RBFOX1: variants seen among roughly 807,000 people sequenced by gnomAD.
RBFOX1 encodes the protein RNA binding fox-1 homolog 1.
Under a neutral mutation model 57.7 loss-of-function variants are expected in RBFOX1, and 8 were observed. That is an observed-to-expected ratio of 0.14 (90% CI 0.08 to 0.25). RBFOX1 has a LOEUF of 0.25. Among genes scored for constraint, RBFOX1 ranks in the 10% least tolerant of loss-of-function variants. RBFOX1 has a pLI of 1.00. For synonymous variants in RBFOX1, 326 were observed against 222.4 expected, an observed-to-expected ratio of 1.47 and a Z score of -4.15; for missense variants, 611 against 548.5, an observed-to-expected ratio of 1.11 and a Z score of -1.14.
chr16:5,924,044 C>G (rs1413862040), intron 4 of RBFOX1, among the ~76,000 whole-genome samples: 1 of 152,040 alleles, frequency 6.6e-6, no homozygotes, highest in African/African-American at 2.4e-5. Context: ...ATGCTGTTCT[C>G]AGGATAGTGA....
At chr16:6,465,883 T>TG (rs1380681283) in intron 2 of RBFOX1, among the ~76,000 whole-genome samples, 8 of 135,284 alleles carry the variant, frequency 5.9e-5, no homozygotes, top group African/African-American at 2.2e-4. Flanking sequence ...CATTTGTGTG[T>TG]TTGTGTGTGT....
intron 3 of RBFOX1, among the ~76,000 whole-genome samples, chr16:6,921,387 C>G (rs570883033): frequency 2.0e-5 from 3 of 152,068 alleles, no homozygotes; most frequent in African/African-American, 7.2e-5. Flanking sequence ...GGATATGCTT[C>G]GAAGATCACC....
At chr16:6,026,056 G>A (rs934493698) in intron 1 of RBFOX1, among the ~76,000 whole-genome samples, 2 of 152,128 alleles carry the variant, frequency 1.3e-5, no homozygotes, top group African/African-American at 4.8e-5. Flanking sequence ...TTCGATTCCT[G>A]CTCATCCTTC....
intron 2 of RBFOX1, among the ~76,000 whole-genome samples, chr16:6,364,719 C>T (rs563351113): frequency 7.2e-5 from 11 of 152,150 alleles, no homozygotes; most frequent in African/African-American, 2.2e-4. Flanking sequence ...AATTTCTCAC[C>T]CTGAATTACA....
chr16:6,034,552 C>T (rs921659621), intron 1 of RBFOX1, among the ~76,000 whole-genome samples: 7 of 151,890 alleles, frequency 4.6e-5, no homozygotes, highest in Non-Finnish European at 1.0e-4. Flanking sequence ...TAGTTCTCTC[C>T]AACCTTTGGG....
intron 2 of RBFOX1, among the ~76,000 whole-genome samples, chr16:5,577,603 A>G (rs1481742170): frequency 6.6e-6 from 1 of 152,188 alleles, no homozygotes; most frequent in South Asian, 2.1e-4. Context: ...TTCTGTTACT[A>G]CATGTTTGCA....
At chr16:6,364,580 T>A (rs573684653) in intron 2 of RBFOX1, among the ~76,000 whole-genome samples, 285 of 152,358 alleles carry the variant, frequency 1.9e-3, no homozygotes, top group African/African-American at 6.6e-3. Context: ...TGCAGGCATG[T>A]GTGTACACAC....
At chr16:7,304,659 G>T (rs2142169350) in intron 4 of RBFOX1, among the ~76,000 whole-genome samples, 2 of 152,236 alleles carry the variant, frequency 1.3e-5, no homozygotes, top group East Asian at 3.9e-4. Context: ...CGGGCACCTC[G>T]CGCTGAGATG....
intron 1 of RBFOX1, among the ~76,000 whole-genome samples, chr16:5,411,795 A>T (rs1044508149): frequency 6.6e-6 from 1 of 151,678 alleles, no homozygotes; most frequent in African/African-American, 2.4e-5. Flanking sequence ...AGGTGGGAGG[A>T]TTGCTTGAGC....
At chr16:6,834,781 C>CTCAGAGTCA (rs1167827895) in intron 3 of RBFOX1, among the ~76,000 whole-genome samples, 5 of 152,024 alleles carry the variant, frequency 3.3e-5, no homozygotes, top group Non-Finnish European at 7.4e-5. Context: ...AACTGTGGCT[C>CTCAGAGTCA]TCAGAGTCAT....
intron 4 of RBFOX1, among the ~76,000 whole-genome samples, chr16:7,249,332 A>T (rs976651350): frequency 6.6e-6 from 1 of 152,086 alleles, no homozygotes; most frequent in Admixed American, 6.6e-5. Flanking sequence ...AATAAATAAG[A>T]TAGGAGGAGC....
chr16:6,825,412 A>G (rs577909365), intron 3 of RBFOX1, among the ~76,000 whole-genome samples: 2 of 152,240 alleles, frequency 1.3e-5, no homozygotes, highest in East Asian at 1.9e-4. Context: ...GCCAGAGATT[A>G]TTCAGCAAGG....
intron 3 of RBFOX1, among the ~76,000 whole-genome samples, chr16:5,641,635 C>G (rs1567335723): frequency 6.6e-6 from 1 of 152,182 alleles, no homozygotes; most frequent in Admixed American, 6.5e-5. Context: ...AGACCTGGCA[C>G]TGCAGTGGCC....
intron 1 of RBFOX1, among the ~76,000 whole-genome samples, chr16:6,147,201 G>A (rs1331126737): frequency 6.6e-6 from 1 of 152,188 alleles, no homozygotes; most frequent in East Asian, 1.9e-4. Flanking sequence ...TCCTTTCATA[G>A]ATATTCTGTC....
chr16:6,895,737 A>G (rs1445921685), intron 3 of RBFOX1, among the ~76,000 whole-genome samples: 1 of 151,962 alleles, frequency 6.6e-6, no homozygotes, highest in African/African-American at 2.4e-5. Context: ...AAAGTGGACT[A>G]CATCTCAACA....
intron 2 of RBFOX1, among the ~76,000 whole-genome samples, chr16:5,509,694 G>T (rs2043511232): frequency 6.6e-6 from 1 of 152,198 alleles, no homozygotes. Flanking sequence ...GGTGCCAGGA[G>T]AGCTGATGGA....
chr16:5,306,509 G>A (rs563640425), intron 1 of RBFOX1, among the ~76,000 whole-genome samples: 1 of 152,064 alleles, frequency 6.6e-6, no homozygotes, highest in Non-Finnish European at 1.5e-5. Flanking sequence ...TAGTAGAGAC[G>A]GGGTTTTACC....
chr16:5,413,640 C>A (rs561947899), intron 1 of RBFOX1, among the ~76,000 whole-genome samples: 1 of 152,294 alleles, frequency 6.6e-6, no homozygotes, highest in Non-Finnish European at 1.5e-5. Flanking sequence ...GTTTAACTCT[C>A]ATTACTGAGG....
At chr16:6,855,796 A>T (rs1194936520) in intron 3 of RBFOX1, among the ~76,000 whole-genome samples, 2 of 135,084 alleles carry the variant, frequency 1.5e-5, no homozygotes, top group Non-Finnish European at 3.1e-5. Flanking sequence ...TTTGAGTGAT[A>T]AATTTCCTTC....
Sources: allele counts gnomAD v4.1 joint callset (sites outside exome capture counted in the v4.1 genomes callset), GRCh38; gene constraint gnomAD v4.1.1; transcripts MANE v1.5; gene names NCBI Gene and HGNC (gene_info 2026-07-23, HGNC 2026-07-21).